TTLL5: variants seen among roughly 807,000 people sequenced by gnomAD.
TTLL5 encodes tubulin polyglutamylase TTLL5.
TTLL5 carries 132 observed loss-of-function variants against 168.4 expected under a neutral mutation model. That is an observed-to-expected ratio of 0.78 (90% CI 0.68 to 0.91). TTLL5 has a LOEUF of 0.91. Ranked by LOEUF, TTLL5 falls within the 40% of genes least tolerant of loss-of-function variation. TTLL5 has a pLI of 0.00. For synonymous variants in TTLL5, 546 were observed against 558.6 expected (o/e 0.98, Z 0.32); for missense variants, 1,545 against 1,581.5 (o/e 0.98, Z 0.39).
chr14:75,776,737 CA>C lies in TTLL5; in HGVS notation c.2284-9del, dbSNP rs1566599541. On this transcript the variant is annotated splice_polypyrimidine_tract_variant and intron_variant, in intron 22 of 31. Transcript: ENST00000298832. The stretch of plus-strand genomic sequence containing the variant: ...TTGTTGTTTTTCTGTGGGGTTTGGG[CA>C]CTGGGTAGGAAACAGAACAAATGGC... 1 of 1,607,878 alleles carries C rather than the reference CA, an allele frequency of 6.2e-7. No homozygotes were observed. The highest frequency in any genetic ancestry group is 1.7e-4 in the Middle Eastern group (1 of 6,040).
intron 31 of TTLL5, among the ~76,000 whole-genome samples, chr14:75,944,150 TGAG>T (rs1469845037): frequency 6.6e-6 from 1 of 152,186 alleles, no homozygotes; most frequent in Non-Finnish European, 1.5e-5. Flanking sequence ...TTCTTTCTTC[TGAG>T]GAGGCAATAA....
intron 31 of TTLL5, among the ~76,000 whole-genome samples, chr14:75,924,227 C>T (rs58082169): frequency 2.7e-5 from 4 of 150,118 alleles, no homozygotes; most frequent in East Asian, 3.9e-4. Context: ...TTACATTTAA[C>T]GTTAATATTG....
rs1024644794 is a variant in TTLL5 at position 75,885,819 on chromosome 14, T to C, written c.3740+2917T>C. Among the ~76,000 whole-genome samples the C allele has an allele frequency of 1.1e-4, 16 of 152,274 alleles. No homozygotes were observed. In the East Asian group the frequency reaches 2.7e-3, roughly 26 times the overall value. On this transcript the variant is annotated intron_variant, in intron 30 of 31. Transcript: ENST00000298832. ...TAGTAATAGTACCTGCCTCATAGGGTTATTAAGATAAATGAATTGATGAAT... is the reference window on the plus strand; with the variant it reads ...TAGTAATAGTACCTGCCTCATAGGGCTATTAAGATAAATGAATTGATGAAT...
At chr14:75,905,383 G>A (rs180761107) in intron 31 of TTLL5, among the ~76,000 whole-genome samples, 7 of 152,162 alleles carry the variant, frequency 4.6e-5, no homozygotes, top group Middle Eastern at 3.2e-3. Context: ...ATAGTGATTC[G>A]TCCCAGGGCA....
At chr14:75,773,903 A>ATACATATATATATAT (rs1194006811) in intron 21 of TTLL5, among the ~76,000 whole-genome samples, 2 of 74,724 alleles carry the variant, frequency 2.7e-5, no homozygotes, top group African/African-American at 8.4e-5. Flanking sequence ...AAAAAAAAAA[A>ATACATATATATATAT]ATACATATAT....
intron 17 of TTLL5, among the ~76,000 whole-genome samples, chr14:75,746,481 C>T (rs891085177): frequency 2.6e-5 from 4 of 151,206 alleles, no homozygotes; most frequent in African/African-American, 4.9e-5. Context: ...TGTCTTTGTT[C>T]TTCTATGCAT....
rs1290263800 is a variant in TTLL5 at position 75,820,093 on chromosome 14, T to C, written c.3258T>C (p.Ser1086=). The part of the protein sequence containing the change: ...PPTLRPIISP[S]GPTWSTQSDP... Reference sequence around the variant, plus strand: ...CCCTCCGACCCATCATCAGTCCTAGTGGCCCGACATGGTCTACACAGTCAG... The same window carrying C: ...CCCTCCGACCCATCATCAGTCCTAGCGGCCCGACATGGTCTACACAGTCAG... Residue 1086 remains serine, a synonymous_variant, in exon 28 of 32, where the codon AGT becomes AGC. Transcript: ENST00000298832. The C allele has an allele frequency of 6.2e-7, 1 of 1,609,496 alleles. No homozygotes were observed. Among genetic ancestry groups the C allele is most frequent in the Non-Finnish European group, 8.5e-7 (1 of 1,178,264 alleles).
rs762931306 is a variant in TTLL5, at chr14:75,732,326, T to C, written c.1043-12T>C. The stretch of plus-strand genomic sequence containing the variant: ...AAATGATCTTGTGTATTGTGTTGTG[T>C]TGTATTTCTAGAACTCTATGGCTTT... On this transcript the variant is annotated splice_polypyrimidine_tract_variant and intron_variant, in intron 12 of 31. Coordinates refer to ENST00000298832, the MANE Select transcript of TTLL5 (RefSeq NM_015072.5). 6 of 1,611,896 alleles carry C rather than the reference T, an allele frequency of 3.7e-6. No individual in the cohort carries two copies. The highest frequency in any genetic ancestry group is 3.3e-5 in the Admixed American group (2 of 59,848).
chr14:75,757,178 G>A (rs761540260), intron 18 of TTLL5, among the ~76,000 whole-genome samples: 37 of 152,096 alleles, frequency 2.4e-4, no homozygotes, highest in Non-Finnish European at 4.3e-4. Flanking sequence ...GGGTTTCACC[G>A]TATTGCCCAG....
intron 21 of TTLL5, among the ~76,000 whole-genome samples, chr14:75,774,940 C>A (rs1442989793): frequency 1.3e-5 from 2 of 152,096 alleles, no homozygotes; most frequent in African/African-American, 4.8e-5. Context: ...CTGCCCACCT[C>A]AGCTTCCCAA....
At chr14:75,717,651 G>T (rs955976204) in intron 9 of TTLL5, among the ~76,000 whole-genome samples, 1 of 152,136 alleles carries the variant, frequency 6.6e-6, no homozygotes, top group African/African-American at 2.4e-5. Flanking sequence ...ACTTGGATAC[G>T]ATATTATCTA....
At chr14:75,832,504 A>G (rs1895629250) in intron 28 of TTLL5, among the ~76,000 whole-genome samples, 1 of 152,266 alleles carries the variant, frequency 6.6e-6, no homozygotes, top group Non-Finnish European at 1.5e-5. Context: ...GGTGCCAGCC[A>G]CAGGTCCACC....
intron 28 of TTLL5, among the ~76,000 whole-genome samples, chr14:75,827,704 G>GTTTTTT (rs1566621341): frequency 3.2e-4 from 30 of 92,522 alleles, no homozygotes; most frequent in South Asian, 4.2e-4. Flanking sequence ...ATTTGGCTTG[G>GTTTTTT]TTCTTTTTTT....
At chr14:75,727,215 T>C (rs1224090237) in intron 12 of TTLL5, among the ~76,000 whole-genome samples, 1 of 152,220 alleles carries the variant, frequency 6.6e-6, no homozygotes, top group Non-Finnish European at 1.5e-5. Context: ...CGAAACCATA[T>C]GTTTATACGA....
In TTLL5 at chr14:75,953,240, C is replaced by T. The variant is rs10130303; in HGVS notation, c.3824-1184C>T. Among the ~76,000 whole-genome samples the T allele has an allele frequency of 4.6e-3, 705 of 152,304 alleles. 4 individuals carry two copies. The highest frequency in any genetic ancestry group is 0.017 in the African/African-American group (688 of 41,564). ...GATTCACAGAAATTGTAAACTGAGG[C>T]AATACTGCTCCACATGTAGAGGTGT... is the stretch of plus-strand genomic sequence containing the variant. On this transcript the variant is annotated intron_variant, in intron 31 of 31. Coordinates refer to ENST00000298832, the MANE Select transcript of TTLL5 (RefSeq NM_015072.5).
chr14:75,699,629 CTG>C (rs914573985), intron 7 of TTLL5, among the ~76,000 whole-genome samples: 4 of 152,210 alleles, frequency 2.6e-5, no homozygotes, highest in African/African-American at 7.2e-5. Context: ...GTGAGCAGAA[CTG>C]TGGGTTCTGT....
chr14:75,735,279 A>G lies in TTLL5; in HGVS notation c.1271A>G (p.Gln424Arg), dbSNP rs769960522. ...TFESSRRNPF[Q>R]KPQRCRPLSA... is the part of the protein sequence containing the mutation. ...GAGTCTTCCAGGCGAAACCCTTTCC[A>G]GAAACCTCAGGTAAGCCAATTCCAC... is the stretch of plus-strand genomic sequence containing the variant. Residue 424 changes from glutamine to arginine, a missense_variant, in exon 15 of 32, where the codon CAG becomes CGG. Gln to Arg is a conservative substitution (Grantham distance 43, BLOSUM62 1). Transcript: ENST00000298832. 5.6e-6 allele frequency: 9 copies of G among 1,614,064 alleles called. No homozygotes were observed. Among genetic ancestry groups the G allele is most frequent in the African/African-American group, 2.7e-5 (2 of 74,946 alleles).
chr14:75,790,408 A>G (rs1341088281), intron 26 of TTLL5, among the ~76,000 whole-genome samples: 1 of 152,178 alleles, frequency 6.6e-6, no homozygotes, highest in African/African-American at 2.4e-5. Context: ...GGAAGAATTA[A>G]GACACTTGAC....
intron 31 of TTLL5, chr14:75,930,565 T>C: frequency 1.0e-6 from 1 of 973,804 alleles, no homozygotes; most frequent in Non-Finnish European, 1.2e-6. Context: ...AGCCTGTATA[T>C]ATTATTAATT....
Sources: gnomAD v4.1 joint callset for allele counts (sites outside exome capture counted in the v4.1 genomes callset) on GRCh38, gnomAD v4.1.1 for gene constraint, MANE v1.5 for transcripts, NCBI Gene and HGNC (gene_info 2026-07-23, HGNC 2026-07-21) for gene names.